NHSL2: variants seen among roughly 807,000 people sequenced by gnomAD.
The protein encoded by NHSL2 is NHS like 2.
NHSL2 carries 27 observed loss-of-function variants against 53.4 expected under a neutral mutation model. The observed-to-expected ratio is 0.51, with a 90% CI of 0.37 to 0.70. The LOEUF (loss-of-function observed/expected upper bound fraction) is 0.70. Ranked by LOEUF, NHSL2 falls within the 30% of genes least tolerant of loss-of-function variation. NHSL2 has a pLI of 0.00. For synonymous variants in NHSL2, 408 were observed against 404.1 expected (o/e 1.01, Z -0.12); for missense variants, 892 against 980.1 (o/e 0.91, Z 1.20).
chrX:72,058,134 C>A (rs944579055), intron 1 of NHSL2, among the ~76,000 whole-genome samples: 1 of 111,915 alleles, frequency 8.9e-6, no homozygotes, highest in Non-Finnish European at 1.9e-5. Context: ...CTTGAAAGAA[C>A]AATTGACAGG....
chrX:71,991,818 T>TCTCTCTCTCTCTCTC (rs778925898), intron 1 of NHSL2, among the ~76,000 whole-genome samples: 2 of 99,880 alleles, frequency 2.0e-5, no homozygotes, highest in African/African-American at 7.9e-5. Context: ...GTCTTTCTCT[T>TCTCTCTCTCTCTCTC]TCTCTCTCTC....
At chrX:71,934,915 A>C (rs1313687459) in intron 1 of NHSL2, among the ~76,000 whole-genome samples, 1 of 112,265 alleles carries the variant, frequency 8.9e-6, no homozygotes, top group Non-Finnish European at 1.9e-5. Flanking sequence ...GTCAAGACAT[A>C]CCTGAGTGAT....
chrX:72,000,018 G>A (rs73634897), intron 1 of NHSL2, among the ~76,000 whole-genome samples: 199 of 112,140 alleles, frequency 1.8e-3, no homozygotes, highest in African/African-American at 6.2e-3. Context: ...ATATATTTCA[G>A]TATTATCTGT....
In NHSL2 at chrX:72,150,249, C is replaced by G. The variant is rs1340069059; in HGVS notation, c.*6675C>G. 8.9e-6 allele frequency: 1 copy of G among 112,301 alleles called. No homozygotes were observed. Among genetic ancestry groups the G allele is most frequent in the Non-Finnish European group, 1.9e-5 (1 of 53,304 alleles). The allele number at this position is 112,301 out of a possible 1,213,427, so 9.3% of individuals were successfully genotyped here. ...AATGAGTTTTTTAGATATCAAGTATCATTTTTTAGAGGTAAACTTCCTATG... is the reference window on the plus strand; with the variant it reads ...AATGAGTTTTTTAGATATCAAGTATGATTTTTTAGAGGTAAACTTCCTATG... On this transcript the variant is annotated 3_prime_UTR_variant, in exon 8 of 8. Coordinates refer to ENST00000633930, the MANE Select transcript of NHSL2 (RefSeq NM_001013627.3).
intron 1 of NHSL2, among the ~76,000 whole-genome samples, chrX:71,988,308 A>G (rs2042011874): frequency 9.0e-6 from 1 of 111,648 alleles, no homozygotes; most frequent in African/African-American, 3.3e-5. Flanking sequence ...TAGGGAGGAA[A>G]AAGCTCCCCA....
At chrX:72,044,528 C>A (rs2042293878) in intron 1 of NHSL2, 1 of 616,323 alleles carries the variant, frequency 1.6e-6, no homozygotes, top group Admixed American at 2.4e-5. Flanking sequence ...CCGCTCTCTC[C>A]GGTCCATGCC....
At chrX:72,130,888 G>A (rs760043877) in intron 1 of NHSL2, 7 of 1,211,789 alleles carry the variant, frequency 5.8e-6, no homozygotes, top group Non-Finnish European at 7.8e-6. Context: ...CAGGAAGCGC[G>A]GGAAGTTGGC....
Position 72,134,231 on chromosome X carries a change from A to G in NHSL2, c.564+13A>G. The G allele has an allele frequency of 8.6e-7, 1 of 1,161,898 alleles. No homozygotes were observed. On this transcript the variant is annotated intron_variant, in intron 3 of 7. Coordinates refer to ENST00000633930, the MANE Select transcript of NHSL2 (RefSeq NM_001013627.3). ...GTTTATATTGATGGTGAGTTGCCTC[A>G]TCCCCCACCTGGGAGAGCCAGCATG... is the stretch of plus-strand genomic sequence containing the variant.
At chrX:72,019,941 G>A (rs1180200564) in intron 1 of NHSL2, among the ~76,000 whole-genome samples, 2 of 111,812 alleles carry the variant, frequency 1.8e-5, no homozygotes, top group African/African-American at 6.5e-5. Context: ...GCAGAATAAA[G>A]GCCTGGTGAT....
chrX:71,960,797 A>G (rs773816411), intron 1 of NHSL2, among the ~76,000 whole-genome samples: 21 of 112,438 alleles, frequency 1.9e-4, no homozygotes, highest in Non-Finnish European at 3.4e-4. Flanking sequence ...GTATAACTAG[A>G]AATCTGGAAG....
intron 1 of NHSL2, among the ~76,000 whole-genome samples, chrX:72,036,906 G>A (rs369635236): frequency 2.7e-4 from 30 of 111,173 alleles, no homozygotes; most frequent in African/African-American, 9.5e-4. Flanking sequence ...ATTTGTTGAA[G>A]CACTTTATGA....
At chrX:71,920,735 C>CAA (rs766650744) in intron 1 of NHSL2, among the ~76,000 whole-genome samples, 1 of 108,030 alleles carries the variant, frequency 9.3e-6, no homozygotes, top group African/African-American at 3.4e-5. Flanking sequence ...AAGTAAGTGA[C>CAA]AAAAAAAAAT....
intron 1 of NHSL2, among the ~76,000 whole-genome samples, chrX:72,088,946 G>A (rs773882715): frequency 8.9e-6 from 1 of 111,874 alleles, no homozygotes; most frequent in Non-Finnish European, 1.9e-5. Flanking sequence ...TCGGATGGCC[G>A]ATTGTCCTGT....
intron 1 of NHSL2, among the ~76,000 whole-genome samples, chrX:72,019,091 T>C (rs2042148511): frequency 9.0e-6 from 1 of 111,529 alleles, no homozygotes; most frequent in Admixed American, 9.4e-5. Context: ...ATAGGATGAG[T>C]CTCGCCTTTC....
chrX:71,945,354 G>C (rs2041787573), intron 1 of NHSL2, among the ~76,000 whole-genome samples: 1 of 112,192 alleles, frequency 8.9e-6, no homozygotes, highest in South Asian at 3.8e-4. Flanking sequence ...CCTTTCTTCT[G>C]TCTCGCAGCT....
In NHSL2 at chrX:72,147,562, G is replaced by A. The variant is rs1187583510; in HGVS notation, c.*3988G>A. The A allele has an allele frequency of 8.9e-6, 1 of 111,913 alleles. No homozygotes were observed. The highest frequency in any genetic ancestry group is 1.9e-5 in the Non-Finnish European group (1 of 53,190). The allele number at this position is 111,913 out of a possible 1,213,427, so 9.2% of individuals were successfully genotyped here. ...AGAATCTTTAATAGTGTTAATATCG[G>A]AAAACATAGTTGATTTCTAAGTAAT... On this transcript the variant is annotated 3_prime_UTR_variant, in exon 8 of 8. Transcript: ENST00000633930.
rs1471855871 is a variant in NHSL2, at chrX:72,051,008, T to A, written c.281-81071T>A. Among the ~76,000 whole-genome samples, 3 of 111,810 alleles carry A rather than the reference T, an allele frequency of 2.7e-5. 1 individual carries two copies. In the Admixed American group the frequency reaches 2.8e-4, roughly 11 times the overall value. ...TTTATTGTCTGGGCTGTGATGCAAA[T>A]CCAGGCTATGTTTATGCATCCATAA... On this transcript the variant is annotated intron_variant, in intron 1 of 7. Coordinates refer to ENST00000633930, the MANE Select transcript of NHSL2 (RefSeq NM_001013627.3).
chrX:72,106,134 CG>C (rs1285380798), intron 1 of NHSL2, among the ~76,000 whole-genome samples: 1 of 110,191 alleles, frequency 9.1e-6, no homozygotes, highest in East Asian at 2.8e-4. Flanking sequence ...GCGTGAACCC[CG>C]GGGGGGCAGA....
Position 72,149,160 on chromosome X carries a change from C to CT in NHSL2, c.*5589dup, listed in dbSNP as rs2042490499. ...CAACAAATTGCTCAACCTGCAAAATCTTTGATTAGACTTAGCCAGCCCATC... is the reference window on the plus strand; with the variant it reads ...CAACAAATTGCTCAACCTGCAAAATCTTTTGATTAGACTTAGCCAGCCCATC... On this transcript the variant is annotated 3_prime_UTR_variant, in exon 8 of 8. Coordinates refer to ENST00000633930, the MANE Select transcript of NHSL2 (RefSeq NM_001013627.3). 9.3e-6 allele frequency: 1 copy of CT among 107,721 alleles called. No individual in the cohort carries two copies. Among genetic ancestry groups the CT allele is most frequent in the Non-Finnish European group, 1.9e-5 (1 of 52,197 alleles). The allele number at this position is 107,721 out of a possible 1,213,427, so 8.9% of individuals were successfully genotyped here. A position where few individuals can be genotyped will look rare whatever the true frequency, so the allele number is the denominator to read the frequency against.
Sources: gnomAD v4.1 joint callset for allele counts (sites outside exome capture counted in the v4.1 genomes callset) on GRCh38, gnomAD v4.1.1 for gene constraint, MANE v1.5 for transcripts, NCBI Gene and HGNC (gene_info 2026-07-23, HGNC 2026-07-21) for gene names.